The following PTPRD variants were observed in gnomAD, a reference collection of about 807,000 sequenced individuals.
PTPRD encodes protein tyrosine phosphatase receptor type D.
A neutral mutation model predicts 214.5 loss-of-function variants in PTPRD; 34 were observed. That is an observed-to-expected ratio of 0.16 (90% CI 0.12 to 0.21). The LOEUF is 0.21. Among genes scored for constraint, PTPRD ranks in the 10% least tolerant of loss-of-function variants. The pLI is 1.00. For synonymous variants in PTPRD, 1,128 were observed against 845.7 expected (o/e 1.33, Z -5.79); for missense variants, 2,545 against 2,398.7 (o/e 1.06, Z -1.27).
chr9:8,727,770 A>C (rs1378384298), intron 12 of PTPRD, among the ~76,000 whole-genome samples: 1 of 152,122 alleles, frequency 6.6e-6, no homozygotes, highest in Non-Finnish European at 1.5e-5. Flanking sequence ...CTCCCTCTTC[A>C]ACCTCCCAAG....
rs57331096 is a variant in PTPRD, at chr9:10,574,197, A to ATGTGTG, written c.-600+38195_-600+38200dup. Among the ~76,000 whole-genome samples, 135 of 150,278 alleles carry ATGTGTG rather than the reference A, an allele frequency of 9.0e-4. 2 individuals carry two copies. The highest frequency in any genetic ancestry group is 3.1e-3 in the African/African-American group (128 of 41,056). On this transcript the variant is annotated intron_variant, in intron 2 of 45. Transcript: ENST00000381196. ...TCACAGGAAGTAAGAGAAATGATAG[A>ATGTGTG]TGTGTGTGTGTGTGTGCGTGCATGT...
chr9:8,805,830 G>C lies in PTPRD; in HGVS notation c.-103-71884C>G, dbSNP rs867950714. Among the ~76,000 whole-genome samples the C allele has an allele frequency of 8.6e-5, 13 of 150,788 alleles. No homozygotes were observed. The Middle Eastern group carries it at 0.01, about 120-fold the overall frequency. ...CTAACACAGTGAAATCCCGTCTCTA[G>C]TAGAAATACAAAAAATAAGCCGGGC... On this transcript the variant is annotated intron_variant, in intron 11 of 45. Transcript: ENST00000381196.
chr9:8,948,508 T>C (rs1178442386), intron 11 of PTPRD, among the ~76,000 whole-genome samples: 4 of 7,444 alleles, frequency 5.4e-4, no homozygotes, highest in African/African-American at 7.9e-4. Context: ...TATATATTTA[T>C]ATATATATAT....
intron 8 of PTPRD, among the ~76,000 whole-genome samples, chr9:9,453,953 A>G (rs1304605016): frequency 3.3e-5 from 5 of 151,704 alleles, no homozygotes; most frequent in South Asian, 2.1e-4. Flanking sequence ...ATGTCTTTCC[A>G]GTACTTCATT....
At chr9:9,618,574 G>A (rs952545000) in intron 7 of PTPRD, among the ~76,000 whole-genome samples, 12 of 152,040 alleles carry the variant, frequency 7.9e-5, no homozygotes, top group African/African-American at 2.7e-4. Context: ...GAAGAAAGAA[G>A]GATCTTAATC....
In PTPRD at chr9:9,651,161, C is replaced by G. The variant is rs189885983; in HGVS notation, c.-286-76380G>C. Among the ~76,000 whole-genome samples, 300 of 152,208 alleles carry G rather than the reference C, an allele frequency of 2.0e-3. 1 individual carries two copies. Among genetic ancestry groups the G allele is most frequent in the African/African-American group, 7.0e-3 (289 of 41,550 alleles). Reference sequence around the variant, plus strand: ...AAATCATTGGTTCTTGTGTAAAATACATTTTATCATTTCTATGAATAAACC... The same window carrying G: ...AAATCATTGGTTCTTGTGTAAAATAGATTTTATCATTTCTATGAATAAACC... On this transcript the variant is annotated intron_variant, in intron 7 of 45. Coordinates refer to ENST00000381196, the MANE Select transcript of PTPRD (RefSeq NM_002839.4).
At chr9:10,424,102 G>C (rs968668910) in intron 2 of PTPRD, among the ~76,000 whole-genome samples, 2 of 151,940 alleles carry the variant, frequency 1.3e-5, no homozygotes, top group Non-Finnish European at 2.9e-5. Context: ...TTAAATGTGT[G>C]CCTTACAGTT....
In PTPRD at chr9:9,564,884, G is replaced by GTTTTTTTTTTTT. The variant is rs1191664969; in HGVS notation, c.-237+9836_-237+9847dup. The stretch of plus-strand genomic sequence containing the variant: ...AACAAAAGAGAGACTTGAATCTTCT[G>GTTTTTTTTTTTT]TTTTTTTTTTTTTTTTTTTTTTTTT... On this transcript the variant is annotated intron_variant, in intron 8 of 45. Transcript: ENST00000381196. 5.9e-4 allele frequency among the ~76,000 whole-genome samples: 29 copies of GTTTTTTTTTTTT among 48,842 alleles called. 8 individuals are homozygous for GTTTTTTTTTTTT. The highest frequency in any genetic ancestry group is 1.1e-3 in the African/African-American group (16 of 14,396). 32.0% of individuals were successfully genotyped at this position (48,842 alleles called of 152,430 possible). A position where few individuals can be genotyped will look rare whatever the true frequency, so the allele number is the denominator to read the frequency against.
At chr9:10,362,956 T>G (rs1054693455) in intron 2 of PTPRD, among the ~76,000 whole-genome samples, 2 of 152,130 alleles carry the variant, frequency 1.3e-5, no homozygotes, top group Admixed American at 1.3e-4. Flanking sequence ...GAACAATGAC[T>G]AGTATAGAAC....
In PTPRD at chr9:9,654,561, C is replaced by T. The variant is rs1352056436; in HGVS notation, c.-286-79780G>A. Among the ~76,000 whole-genome samples the T allele has an allele frequency of 3.3e-5, 5 of 152,164 alleles. No homozygotes were observed. In the East Asian group the frequency reaches 9.7e-4, roughly 29 times the overall value. On this transcript the variant is annotated intron_variant, in intron 7 of 45. Transcript: ENST00000381196. ...AATGTGGAAATAAACAAAACAGCAC[C>T]TGAACATTACAAATCAATTACGTAA...
intron 8 of PTPRD, among the ~76,000 whole-genome samples, chr9:9,486,984 G>T (rs906098514): frequency 6.6e-6 from 1 of 152,086 alleles, no homozygotes; most frequent in Non-Finnish European, 1.5e-5. Context: ...CTTTTCTGGT[G>T]CCAGTACCAT....
At chr9:8,956,422 GAA>G (rs1464741257) in intron 11 of PTPRD, among the ~76,000 whole-genome samples, 1 of 151,800 alleles carries the variant, frequency 6.6e-6, no homozygotes, top group Admixed American at 6.6e-5. Context: ...GTAAACAAAT[GAA>G]GACATAATCT....
intron 11 of PTPRD, among the ~76,000 whole-genome samples, chr9:8,858,796 A>AACACACACACACACACACACACACACAC (rs71317379): frequency 7.1e-6 from 1 of 141,792 alleles, no homozygotes; most frequent in Non-Finnish European, 1.5e-5. Flanking sequence ...TGAAGGAGGC[A>AACACACACACACACACACACACACACAC]ACACACACAC....
chr9:9,586,972 G>A (rs999095444), intron 7 of PTPRD, among the ~76,000 whole-genome samples: 2 of 152,074 alleles, frequency 1.3e-5, no homozygotes, highest in Non-Finnish European at 2.9e-5. Flanking sequence ...GAGAGCATAA[G>A]TCATCACTCT....
chr9:9,126,888 C>T (rs2099834685), intron 10 of PTPRD, among the ~76,000 whole-genome samples: 1 of 152,084 alleles, frequency 6.6e-6, no homozygotes, highest in Non-Finnish European at 1.5e-5. Context: ...CCATTTATTC[C>T]AGTTTAGGAA....
At chr9:8,635,293 A>G (rs2096395139) in intron 13 of PTPRD, among the ~76,000 whole-genome samples, 1 of 151,602 alleles carries the variant, frequency 6.6e-6, no homozygotes, top group South Asian at 2.1e-4. Context: ...AGCCATTGTC[A>G]TTAGAAAGCG....
chr9:9,374,234 G>T (rs1195663453), intron 9 of PTPRD, among the ~76,000 whole-genome samples: 2 of 151,928 alleles, frequency 1.3e-5, no homozygotes, highest in Non-Finnish European at 2.9e-5. Context: ...TGCCAAGGGG[G>T]ACAGGAATAG....
At chr9:8,542,553 C>G (rs767737101) in intron 14 of PTPRD, among the ~76,000 whole-genome samples, 1 of 152,222 alleles carries the variant, frequency 6.6e-6, no homozygotes, top group Non-Finnish European at 1.5e-5. Flanking sequence ...TCAGTCATGT[C>G]TTCCCTTGGG....
At chr9:8,993,463 T>C (rs2099385295) in intron 11 of PTPRD, among the ~76,000 whole-genome samples, 1 of 152,156 alleles carries the variant, frequency 6.6e-6, no homozygotes, top group Non-Finnish European at 1.5e-5. Flanking sequence ...CCATTAACAA[T>C]TCTGTTGAAA....
Sources: gnomAD v4.1 joint callset for allele counts (sites outside exome capture counted in the v4.1 genomes callset) on GRCh38, gnomAD v4.1.1 for gene constraint, MANE v1.5 for transcripts, NCBI Gene and HGNC (gene_info 2026-07-23, HGNC 2026-07-21) for gene names.